Variants in CILK1 observed in about 807,000 individuals in gnomAD.
CILK1 encodes the protein serine/threonine-protein kinase ICK.
CILK1 carries 47 observed loss-of-function variants against 79.2 expected under a neutral mutation model. The observed-to-expected ratio is 0.59, with a 90% CI of 0.47 to 0.76. The LOEUF is 0.76. Among genes scored for constraint, CILK1 ranks in the 30% least tolerant of loss-of-function variants. The pLI, the probability that CILK1 is intolerant of heterozygous loss-of-function variation, is 0.00. For synonymous variants in CILK1, 266 were observed against 275.9 expected (o/e 0.96, Z 0.36); for missense variants, 660 against 769.5 (o/e 0.86, Z 1.68).
intron 4 of CILK1, 28 bp from the exon 5 acceptor site, chr6:53,031,172 A>G (rs1456347116): frequency 7.0e-7 from 1 of 1,427,434 alleles, no homozygotes; most frequent in East Asian, 2.3e-5. Context: ...AAACAAAGTT[A>G]TAAATCAAAG....
chr6:53,038,283 G>C (rs1212982655), intron 2 of CILK1, among the ~76,000 whole-genome samples: 3 of 152,172 alleles, frequency 2.0e-5, no homozygotes, highest in Admixed American at 6.5e-5. Flanking sequence ...AAATTGCTCA[G>C]GCTTATTCTA....
intron 5 of CILK1, 32 bp downstream of exon 5, chr6:53,031,033 T>C (rs745401362): frequency 2.1e-5 from 29 of 1,405,208 alleles, no homozygotes; most frequent in Middle Eastern, 1.8e-4. Context: ...ATTTCACTGC[T>C]CTTCAAAAGC....
chr6:53,053,144 C>T (rs895128994), intron 1 of CILK1, among the ~76,000 whole-genome samples: 2 of 151,766 alleles, frequency 1.3e-5, no homozygotes, highest in Non-Finnish European at 1.5e-5. Flanking sequence ...TACTGTTTGA[C>T]AAGCACACAC....
chr6:53,025,427 C>T (rs1174889845), intron 5 of CILK1, among the ~76,000 whole-genome samples: 1 of 152,170 alleles, frequency 6.6e-6, no homozygotes, highest in Admixed American at 6.5e-5. Context: ...AGACCTCGTT[C>T]TTTGTTTCCA....
In CILK1 at chr6:53,054,959, A is replaced by G. The variant is rs1054444535; in HGVS notation, c.-173+6637T>C. 5.9e-5 allele frequency among the ~76,000 whole-genome samples: 9 copies of G among 152,306 alleles called. No homozygotes were observed. In the East Asian group the frequency reaches 9.6e-4, roughly 16 times the overall value. The stretch of plus-strand genomic sequence containing the variant: ...CAGGGAAAATTGTAGTTCATTCTTT[A>G]TTTTGAAACCTTAATCAATGAATTA... On this transcript the variant is annotated intron_variant, in intron 1 of 13. Coordinates refer to ENST00000676107, the MANE Select transcript of CILK1 (RefSeq NM_014920.5).
chr6:53,012,257 A>C, intron 9 of CILK1, 30 bp from the exon 10 acceptor site: 1 of 1,604,434 alleles, frequency 6.2e-7, no homozygotes, highest in Non-Finnish European at 8.5e-7. Flanking sequence ...GGGGGAAAGC[A>C]ATACTTGGCA....
At position 53,025,588 on chromosome 6, in the gene CILK1, T is replaced by C. The variant is rs752842544; in HGVS notation, c.358+5477A>G. Among the ~76,000 whole-genome samples the C allele has an allele frequency of 1.4e-4, 21 of 152,182 alleles. 1 individual carries two copies. The highest frequency in any genetic ancestry group is 2.6e-4 in the Non-Finnish European group (18 of 68,022). ...GGAAGGAAGATTCCGATTCCCCACA[T>C]ATCCCTTTAAGCAGCTTCTCTTTTT... On this transcript the variant is annotated intron_variant, in intron 5 of 13. Coordinates refer to ENST00000676107, the MANE Select transcript of CILK1 (RefSeq NM_014920.5).
chr6:53,039,804 A>C (rs2127450274), intron 2 of CILK1, among the ~76,000 whole-genome samples: 1 of 152,318 alleles, frequency 6.6e-6, no homozygotes, highest in East Asian at 1.9e-4. Context: ...AGGGGGAAAA[A>C]AGCCAGGAGC....
chr6:53,021,632 T>C (rs1353090150), intron 5 of CILK1, among the ~76,000 whole-genome samples: 2 of 152,180 alleles, frequency 1.3e-5, no homozygotes, highest in African/African-American at 4.8e-5. Context: ...CCTCATTCTT[T>C]GTAAGTTCAC....
At chr6:53,009,788 T>C (rs1764454496) in intron 11 of CILK1, among the ~76,000 whole-genome samples, 1 of 152,212 alleles carries the variant, frequency 6.6e-6, no homozygotes, top group African/African-American at 2.4e-5. Flanking sequence ...TAAGATCCAA[T>C]GGATCTGTCC....
intron 3 of CILK1, among the ~76,000 whole-genome samples, chr6:53,036,787 T>TAAGTTAAATATTA (rs1766369414): frequency 6.6e-6 from 1 of 152,180 alleles, no homozygotes; most frequent in Non-Finnish European, 1.5e-5. Flanking sequence ...AACACTAACT[T>TAAGTTAAATATTA]TGAACTCCAA....
Position 53,051,346 on chromosome 6 carries a change from G to A in CILK1, c.-172-9938C>T, listed in dbSNP as rs181244276. 1.7e-3 allele frequency among the ~76,000 whole-genome samples: 256 copies of A among 152,238 alleles called. 1 individual carries two copies. Among genetic ancestry groups the A allele is most frequent in the Admixed American group, 2.8e-3 (43 of 15,292 alleles). Reference sequence around the variant, plus strand: ...TGCTCCAAAAATTTTCACAAAGTTGGTGGCTGAAAATAGCAGAAATTTATT... The same window carrying A: ...TGCTCCAAAAATTTTCACAAAGTTGATGGCTGAAAATAGCAGAAATTTATT... On this transcript the variant is annotated intron_variant, in intron 1 of 13. Coordinates refer to ENST00000676107, the MANE Select transcript of CILK1 (RefSeq NM_014920.5).
Position 53,005,162 on chromosome 6 carries a change from G to C in CILK1, c.1886C>G (p.Ala629Gly). Residue 629 changes from alanine (A) to glycine (G), a missense_variant, in exon 14 of 14, where the codon GCA becomes GGA. Transcript: ENST00000676107. ...CAAGGCAGACAGTCATCGCCGAGAT[G>C]CGTACTTGGAAGCCCAGTCTGTCCG... ...HGRTDWASKY[A>G]SRR is the part of the protein sequence containing the mutation. The C allele has an allele frequency of 6.2e-7, 1 of 1,614,194 alleles. No individual in the cohort carries two copies. The highest frequency in any genetic ancestry group is 1.1e-5 in the South Asian group (1 of 91,086).
chr6:53,043,784 G>A (rs1359579452), intron 1 of CILK1, among the ~76,000 whole-genome samples: 1 of 150,978 alleles, frequency 6.6e-6, no homozygotes, highest in East Asian at 1.9e-4. Context: ...AAGCAGATAT[G>A]TACCACTCAT....
intron 5 of CILK1, among the ~76,000 whole-genome samples, chr6:53,021,098 A>G (rs894991770): frequency 6.6e-6 from 1 of 152,142 alleles, no homozygotes; most frequent in Non-Finnish European, 1.5e-5. Context: ...AGGCGGGCGG[A>G]TCACTTGAAG....
intron 1 of CILK1, among the ~76,000 whole-genome samples, chr6:53,057,581 AG>A (rs1398663254): frequency 2.7e-5 from 3 of 110,730 alleles, no homozygotes. Context: ...CTTTTATAGC[AG>A]CCATGATGAG....
chr6:53,057,347 T>C (rs1379736443), intron 1 of CILK1, among the ~76,000 whole-genome samples: 1 of 152,150 alleles, frequency 6.6e-6, no homozygotes, highest in Non-Finnish European at 1.5e-5. Flanking sequence ...GGGCCATCGT[T>C]ATACATTTAT....
At chr6:53,028,168 T>C (rs1581716804) in intron 5 of CILK1, among the ~76,000 whole-genome samples, 1 of 140,528 alleles carries the variant, frequency 7.1e-6, no homozygotes, top group East Asian at 2.0e-4. Context: ...AAAAAAAAAT[T>C]AGCCGGGCGT....
intron 5 of CILK1, among the ~76,000 whole-genome samples, chr6:53,022,670 T>C (rs1181367375): frequency 6.6e-6 from 1 of 152,262 alleles, no homozygotes. Flanking sequence ...CTCCTTTTTG[T>C]CTACATCAAT....
Sources: gnomAD v4.1 joint callset for allele counts (sites outside exome capture counted in the v4.1 genomes callset) on GRCh38, gnomAD v4.1.1 for gene constraint, MANE v1.5 for transcripts, NCBI Gene and HGNC (gene_info 2026-07-23, HGNC 2026-07-21) for gene names.